The following PPP3CC variants were observed in gnomAD, a reference collection of about 807,000 sequenced individuals.
PPP3CC encodes serine/threonine-protein phosphatase 2B catalytic subunit gamma isoform.
Under a neutral mutation model 60.3 loss-of-function variants are expected in PPP3CC, and 35 were observed. The ratio of observed to expected loss-of-function variants is 0.58; its 90% CI spans 0.44 to 0.77. The LOEUF is 0.77. PPP3CC is among the 30% of genes least tolerant of loss of function. The pLI is 0.00. For missense variants in PPP3CC, 570 were observed against 628.9 expected (o/e 0.91, Z 1.00); for synonymous variants, 206 against 224.3 (o/e 0.92, Z 0.73).
chr8:22,536,321 A>G (rs1438294124), intron 12 of PPP3CC, among the ~76,000 whole-genome samples: 1 of 152,258 alleles, frequency 6.6e-6, no homozygotes, highest in Non-Finnish European at 1.5e-5. Context: ...AAGATAGAGT[A>G]ATAGGCAGTA....
chr8:22,531,528 A>G (rs1200413176), intron 10 of PPP3CC, among the ~76,000 whole-genome samples: 1 of 152,160 alleles, frequency 6.6e-6, no homozygotes, highest in African/African-American at 2.4e-5. Flanking sequence ...AGGAGAGGCC[A>G]TGTTTCTTTT....
intron 3 of PPP3CC, 25 bp from the exon 4 acceptor site, chr8:22,497,976 T>G (rs772611302): frequency 6.6e-7 from 1 of 1,519,770 alleles, no homozygotes; most frequent in East Asian, 2.3e-5. Flanking sequence ...ACAAAGAAAA[T>G]TTTATGCTTG....
intron 12 of PPP3CC, among the ~76,000 whole-genome samples, chr8:22,537,978 T>G (rs1472831071): frequency 6.6e-6 from 1 of 152,204 alleles, no homozygotes; most frequent in East Asian, 1.9e-4. Flanking sequence ...AAGCACAGAT[T>G]GTGGTGATGG....
intron 3 of PPP3CC, among the ~76,000 whole-genome samples, chr8:22,496,991 C>T (rs769100866): frequency 1.3e-5 from 2 of 151,812 alleles, no homozygotes; most frequent in Admixed American, 6.6e-5. Context: ...ATTTCTCCAC[C>T]GTGATGTTCT....
chr8:22,515,653 A>G (rs1425327660), intron 6 of PPP3CC, among the ~76,000 whole-genome samples: 2 of 152,162 alleles, frequency 1.3e-5, no homozygotes, highest in Non-Finnish European at 2.9e-5. Flanking sequence ...CTTTTGGATA[A>G]AAGTCATTTT....
chr8:22,509,683 T>C (rs1839025613), intron 4 of PPP3CC, among the ~76,000 whole-genome samples: 1 of 152,180 alleles, frequency 6.6e-6, no homozygotes, highest in East Asian at 1.9e-4. Context: ...CATCAAAATA[T>C]AATTTATTAA....
intron 5 of PPP3CC, 141 bp from the exon 6 acceptor site, chr8:22,513,152 A>G: frequency 1.7e-6 from 1 of 598,482 alleles, no homozygotes; most frequent in Non-Finnish European, 2.6e-6. Flanking sequence ...CTTTTCTTGC[A>G]GGAAAGTCCT....
At chr8:22,529,316 A>C (rs958936445) in intron 10 of PPP3CC, among the ~76,000 whole-genome samples, 1 of 152,208 alleles carries the variant, frequency 6.6e-6, no homozygotes, top group African/African-American at 2.4e-5. Context: ...ATTTTGCAGG[A>C]TGCATAGTCA....
chr8:22,494,371 G>A (rs903026194), intron 3 of PPP3CC, among the ~76,000 whole-genome samples: 2 of 152,110 alleles, frequency 1.3e-5, no homozygotes, highest in African/African-American at 2.4e-5. Context: ...TACAAGAATA[G>A]CACAGGAAAG....
chr8:22,517,500 T>C (rs1048094902), intron 6 of PPP3CC, among the ~76,000 whole-genome samples: 2 of 152,340 alleles, frequency 1.3e-5, no homozygotes, highest in African/African-American at 4.8e-5. Context: ...TGTGCTTTTC[T>C]TTGTTGAGAG....
intron 12 of PPP3CC, among the ~76,000 whole-genome samples, chr8:22,538,012 A>G (rs959725074): frequency 1.6e-4 from 24 of 152,186 alleles, no homozygotes; most frequent in African/African-American, 5.5e-4. Flanking sequence ...CTATATTAAA[A>G]CCATTGACTT....
At chr8:22,504,545 G>A (rs1217216399) in intron 4 of PPP3CC, among the ~76,000 whole-genome samples, 2 of 152,042 alleles carry the variant, frequency 1.3e-5, no homozygotes, top group Non-Finnish European at 2.9e-5. Context: ...GGATCCTTCC[G>A]CCTTAGCCTC....
rs1178058958 is a variant in PPP3CC at position 22,514,685 on chromosome 8, CT to C, written c.770+1268del. ...TATTTTTTGTTGTTTTTTTTTTCAC[CT>C]TTTTTTTTTTTTTTCCTTTTTTGAG... On this transcript the variant is annotated intron_variant, in intron 6 of 13. Coordinates refer to ENST00000240139, the MANE Select transcript of PPP3CC (RefSeq NM_005605.5). 6.0e-3 allele frequency among the ~76,000 whole-genome samples: 745 copies of C among 124,080 alleles called. 3 individuals carry two copies. The highest frequency in any genetic ancestry group is 0.017 in the African/African-American group (576 of 33,732). 81.4% of individuals were successfully genotyped at this position (124,080 alleles called of 152,430 possible).
intron 4 of PPP3CC, among the ~76,000 whole-genome samples, chr8:22,508,423 T>G (rs549564411): frequency 1.3e-5 from 2 of 152,206 alleles, no homozygotes; most frequent in African/African-American, 4.8e-5. Flanking sequence ...TCATATACTT[T>G]GAAAAAATAA....
At chr8:22,493,550 T>G (rs901650976) in intron 3 of PPP3CC, among the ~76,000 whole-genome samples, 1 of 152,176 alleles carries the variant, frequency 6.6e-6, no homozygotes, top group Non-Finnish European at 1.5e-5. Flanking sequence ...TTTTTTACTT[T>G]TAAAATTTTT....
At chr8:22,508,002 C>G (rs772100260) in intron 4 of PPP3CC, among the ~76,000 whole-genome samples, 6 of 152,084 alleles carry the variant, frequency 3.9e-5, no homozygotes, top group Non-Finnish European at 8.8e-5. Flanking sequence ...GCCTGTAATC[C>G]CAGCACTTTG....
chr8:22,516,036 T>A (rs1316952095), intron 6 of PPP3CC, among the ~76,000 whole-genome samples: 1 of 152,156 alleles, frequency 6.6e-6, no homozygotes, highest in Non-Finnish European at 1.5e-5. Context: ...CCTTCTGGAC[T>A]CAAGCAGTCC....
intron 12 of PPP3CC, among the ~76,000 whole-genome samples, chr8:22,536,536 T>A (rs938738268): frequency 6.6e-6 from 1 of 152,248 alleles, no homozygotes; most frequent in African/African-American, 2.4e-5. Context: ...CCTTTTGGGC[T>A]CAGCCCCAAA....
At chr8:22,523,853 C>A (rs1013612763) in intron 8 of PPP3CC, 3 of 190,680 alleles carry the variant, frequency 1.6e-5, no homozygotes, top group Non-Finnish European at 3.4e-5. Context: ...GATACAGTGG[C>A]TCTGGAGGCA....
Sources: allele counts gnomAD v4.1 joint callset (sites outside exome capture counted in the v4.1 genomes callset), GRCh38; gene constraint gnomAD v4.1.1; transcripts MANE v1.5; gene names NCBI Gene and HGNC (gene_info 2026-07-23, HGNC 2026-07-21).